ZBTB46: variants seen among roughly 807,000 people sequenced by gnomAD.
ZBTB46 encodes the protein zinc finger and BTB domain containing 46, also known as zinc finger and BTB domain-containing protein 46.
ZBTB46 carries 8 observed loss-of-function variants against 44.1 expected under a neutral mutation model. That is an observed-to-expected ratio of 0.18 (90% CI 0.11 to 0.33). The LOEUF is 0.33. Ranked by LOEUF, ZBTB46 falls within the 10% of genes least tolerant of loss-of-function variation. The pLI, the probability that ZBTB46 is intolerant of heterozygous loss-of-function variation, is 1.00. For missense variants in ZBTB46, 651 were observed against 847.7 expected, an observed-to-expected ratio of 0.77 and a Z score of 2.88; for synonymous variants, 409 against 382.3, an observed-to-expected ratio of 1.07 and a Z score of -0.81.
chr20:63,823,813 T>C (rs2092805226), intron 1 of ZBTB46, among the ~76,000 whole-genome samples: 1 of 151,572 alleles, frequency 6.6e-6, no homozygotes, highest in Non-Finnish European at 1.5e-5. Context: ...CCAATTCCTT[T>C]TCCTCTGTCC....
rs567953566 is a variant in ZBTB46 at position 63,787,848 on chromosome 20, A to C, written c.937+1973T>G. 6.6e-6 allele frequency: 1 copy of C among 152,366 alleles called. No homozygotes were observed. Among genetic ancestry groups the C allele is most frequent in the East Asian group, 1.9e-4 (1 of 5,184 alleles). 9.4% of individuals were successfully genotyped at this position (152,366 alleles called of 1,614,324 possible). Reference sequence around the variant, plus strand: ...CTGTGTTCACTCCCGGCTCTCGCAGATCTCTCAGCGACGGAGAGGAGGGAC... The same window carrying C: ...CTGTGTTCACTCCCGGCTCTCGCAGCTCTCTCAGCGACGGAGAGGAGGGAC... On this transcript the variant is annotated intron_variant, in intron 2 of 4. Coordinates refer to ENST00000245663, the MANE Select transcript of ZBTB46 (RefSeq NM_001369741.1). This position sits in a 1 kb window ranked among gnomAD's most constrained non-coding sequence, Gnocchi z 4.6.
rs2092529674 is a variant in ZBTB46 at position 63,787,977 on chromosome 20, A to AT, written c.937+1843dup. On this transcript the variant is annotated intron_variant, in intron 2 of 4. Coordinates refer to ENST00000245663, the MANE Select transcript of ZBTB46 (RefSeq NM_001369741.1). This position sits in a 1 kb window ranked among gnomAD's most constrained non-coding sequence, Gnocchi z 4.6. ...GCCACCCACACACGGCATCTGCGAC[A>AT]TTTTTCAGGGCCTCCCACCCTGCGG... 6.6e-6 allele frequency: 1 copy of AT among 151,956 alleles called. No homozygotes were observed. Among genetic ancestry groups the AT allele is most frequent in the South Asian group, 2.1e-4 (1 of 4,816 alleles). 9.4% of individuals were successfully genotyped at this position (151,956 alleles called of 1,614,324 possible). A position where few individuals can be genotyped will look rare whatever the true frequency, so the allele number is the denominator to read the frequency against.
chr20:63,792,238 C>T, intron 1 of ZBTB46, among the ~76,000 whole-genome samples: 1 of 152,176 alleles, frequency 6.6e-6, no homozygotes. Flanking sequence ...ACGTTCACCC[C>T]ACAGCCCTGC....
At chr20:63,833,736 C>T (rs899675674), upstream of ZBTB46, among the ~76,000 whole-genome samples, 1 of 152,214 alleles carries the variant, frequency 6.6e-6, no homozygotes, top group Non-Finnish European at 1.5e-5. Flanking sequence ...CCTGACTTTT[C>T]TGCTCCAAGA....
intron 3 of ZBTB46, among the ~76,000 whole-genome samples, chr20:63,770,564 G>A (rs1050344465): frequency 2.6e-5 from 4 of 152,186 alleles, no homozygotes; most frequent in Non-Finnish European, 4.4e-5. Flanking sequence ...GAATGTTCCA[G>A]AACCCATCCC....
chr20:63,780,855 GCA>G (rs2092463917), intron 2 of ZBTB46, among the ~76,000 whole-genome samples: 2 of 151,582 alleles, frequency 1.3e-5, no homozygotes, highest in South Asian at 4.2e-4. Context: ...AGGAGGCCAT[GCA>G]CAGTGGCTCA....
intron 2 of ZBTB46, among the ~76,000 whole-genome samples, chr20:63,786,582 G>T (rs1316702622): frequency 6.6e-6 from 1 of 152,152 alleles, no homozygotes; most frequent in Non-Finnish European, 1.5e-5. Flanking sequence ...CGCGATCTCA[G>T]CTCACCGCAA....
chr20:63,756,628 A>G (rs1055712890), intron 3 of ZBTB46, among the ~76,000 whole-genome samples: 8 of 152,244 alleles, frequency 5.3e-5, no homozygotes, highest in African/African-American at 1.7e-4. Flanking sequence ...CTTTATCTAC[A>G]TACACCACAC....
intron 3 of ZBTB46, among the ~76,000 whole-genome samples, chr20:63,772,193 G>A (rs187947098): frequency 8.5e-4 from 129 of 151,926 alleles, no homozygotes; most frequent in Admixed American, 8.1e-3. Context: ...ACAGGGTTTC[G>A]CCATGTTGGC....
intron 3 of ZBTB46, chr20:63,769,331 G>T: frequency 1.0e-6 from 1 of 985,440 alleles, no homozygotes; most frequent in Non-Finnish European, 1.2e-6. Flanking sequence ...TGAGGGTGGA[G>T]GGTGGAGGGG....
intron 1 of ZBTB46, among the ~76,000 whole-genome samples, chr20:63,812,552 G>A (rs772319327): frequency 4.6e-5 from 7 of 152,202 alleles, no homozygotes; most frequent in Middle Eastern, 6.8e-3. Flanking sequence ...GGAGGCGGGC[G>A]AATCACAAGG....
chr20:63,826,733 A>C (rs568061828), intron 1 of ZBTB46, among the ~76,000 whole-genome samples: 14 of 152,184 alleles, frequency 9.2e-5, no homozygotes, highest in Non-Finnish European at 2.1e-4. Context: ...TCAAAAAAAG[A>C]AATGCTTCAC....
intron 2 of ZBTB46, among the ~76,000 whole-genome samples, chr20:63,780,983 AT>A (rs1461440541): frequency 7.0e-5 from 8 of 114,104 alleles, no homozygotes; most frequent in African/African-American, 2.5e-4. Flanking sequence ...AAAAAAAAAA[AT>A]ACAAAAATTA....
chr20:63,798,890 G>A (rs891160636), intron 1 of ZBTB46, among the ~76,000 whole-genome samples: 1 of 151,282 alleles, frequency 6.6e-6, no homozygotes, highest in Non-Finnish European at 1.5e-5. Context: ...CCATTTTAAA[G>A]TGGAAGCAAG....
At chr20:63,804,002 G>A (rs1003410600) in intron 1 of ZBTB46, among the ~76,000 whole-genome samples, 17 of 152,142 alleles carry the variant, frequency 1.1e-4, no homozygotes, top group African/African-American at 3.4e-4. Context: ...CCGACATAAC[G>A]TCACTTCCTT....
chr20:63,795,556 T>C (rs2145952790), intron 1 of ZBTB46, among the ~76,000 whole-genome samples: 1 of 152,356 alleles, frequency 6.6e-6, no homozygotes, highest in South Asian at 2.1e-4. Context: ...GTCTCCACAG[T>C]GCACGCTAAC....
In ZBTB46 at chr20:63,775,671, C is replaced by T. The variant is rs1396884886; in HGVS notation, c.1222+7G>A. On this transcript the variant is annotated splice_region_variant and intron_variant, in intron 3 of 4. Coordinates refer to ENST00000245663, the MANE Select transcript of ZBTB46 (RefSeq NM_001369741.1). ...AAAGCCAAGCGGCCCCCAGGGCCTG[C>T]ACTTACGGGACAGCGAGTGGGCCCC... is the stretch of plus-strand genomic sequence containing the variant. 6.4e-7 allele frequency: 1 copy of T among 1,555,518 alleles called. No individual in the cohort carries two copies. Among genetic ancestry groups the T allele is most frequent in the Non-Finnish European group, 8.7e-7 (1 of 1,150,376 alleles).
At chr20:63,749,957 T>G (rs1255331490) in intron 4 of ZBTB46, among the ~76,000 whole-genome samples, 1 of 152,242 alleles carries the variant, frequency 6.6e-6, no homozygotes, top group African/African-American at 2.4e-5. Flanking sequence ...GCCCAGGCTC[T>G]GGGGCACTGT....
intron 2 of ZBTB46, 124 bp downstream of exon 2, chr20:63,789,697 G>A: frequency 6.8e-7 from 1 of 1,464,128 alleles, no homozygotes; most frequent in East Asian, 2.3e-5. Flanking sequence ...TCCTGTAAGA[G>A]GAAGTGACCC....
Sources: gnomAD v4.1 joint callset for allele counts (sites outside exome capture counted in the v4.1 genomes callset) on GRCh38, gnomAD v4.1.1 for gene constraint, Gnocchi (gnomAD v3.1) non-coding constraint, MANE v1.5 for transcripts, NCBI Gene and HGNC (gene_info 2026-07-23, HGNC 2026-07-21) for gene names.